Variants in RND1 observed in about 807,000 individuals in gnomAD.
RND1 encodes rho-related GTP-binding protein Rho6.
Under a neutral mutation model 27.1 loss-of-function variants are expected in RND1, and 9 were observed. The ratio of observed to expected loss-of-function variants is 0.33; its 90% confidence interval spans 0.20 to 0.58. The LOEUF is 0.58. Among genes scored for constraint, RND1 ranks in the 20% least tolerant of loss-of-function variants. The probability of loss-of-function intolerance (pLI) is 0.86; values close to 1 mark genes in which losing one functional copy is unlikely to be tolerated. For missense variants in RND1, 253 were observed against 292.2 expected (o/e 0.87, Z 0.98); for synonymous variants, 108 against 115.7 (o/e 0.93, Z 0.43).
chr12:48,863,440 G>A (rs913751917), intron 2 of RND1, among the ~76,000 whole-genome samples: 6 of 152,078 alleles, frequency 3.9e-5, no homozygotes, highest in Non-Finnish European at 7.4e-5. Context: ...GGGGGAGGGC[G>A]TTTGGGCGGT....
Position 48,861,051 on chromosome 12 carries a change from C to T in RND1, c.399G>A (p.Leu133=). 6.2e-7 allele frequency: 1 copy of T among 1,614,118 alleles called. No individual in the cohort carries two copies. Among genetic ancestry groups the T allele is most frequent in the Non-Finnish European group, 8.5e-7 (1 of 1,180,042 alleles). ...GGTGGGACAGCTCCATCAGAGTACTCAGGTCTGTTCGCAGGTCTGTCTTGC... is the reference window on the plus strand; with the variant it reads ...GGTGGGACAGCTCCATCAGAGTACTTAGGTCTGTTCGCAGGTCTGTCTTGC... ...IGCKTDLRTD[L]STLMELSHQK... Residue 133 remains leucine, a synonymous_variant, in exon 4 of 5, where the codon CTG becomes CTA. Transcript: ENST00000309739.
chr12:48,865,492 C>T, intron 1 of RND1, 156 bp downstream of exon 1: 1 of 854,216 alleles, frequency 1.2e-6, no homozygotes, highest in South Asian at 1.5e-5. Context: ...GCAGGGCAGT[C>T]CTCCAGCCAA....
chr12:48,864,416 T>TGTGTGTGTGTGTGTGCGC (rs141121524), intron 2 of RND1, among the ~76,000 whole-genome samples: 127 of 135,548 alleles, frequency 9.4e-4, no homozygotes, highest in African/African-American at 3.3e-3. Flanking sequence ...TGTGTGTGTG[T>TGTGTGTGTGTGTGTGCGC]GCGCGCGCGC....
intron 4 of RND1, 138 bp from the exon 5 acceptor site, chr12:48,858,379 ATTATC>A (rs1938871518): frequency 1.5e-6 from 1 of 666,110 alleles, no homozygotes; most frequent in South Asian, 2.8e-5. Flanking sequence ...AGATTATTCG[ATTATC>A]TTTTCTTTTT....
chr12:48,862,517 A>G (rs1232247302), intron 2 of RND1, among the ~76,000 whole-genome samples: 1 of 152,010 alleles, frequency 6.6e-6, no homozygotes, highest in African/African-American at 2.4e-5. Flanking sequence ...CTTCTGCTCC[A>G]GGGTCTCCCC....
At chr12:48,862,414 G>T (rs1286982423) in intron 2 of RND1, among the ~76,000 whole-genome samples, 1 of 152,162 alleles carries the variant, frequency 6.6e-6, no homozygotes, top group African/African-American at 2.4e-5. Flanking sequence ...CTAGTTTTCT[G>T]AGTCCCAGAA....
intron 2 of RND1, among the ~76,000 whole-genome samples, chr12:48,864,384 GGTGTGTGTGTGTGTGT>G (rs539837491): frequency 7.1e-6 from 1 of 141,688 alleles, no homozygotes; most frequent in Non-Finnish European, 1.5e-5. Flanking sequence ...GGAAGTAAAA[GGTGTGTGTGTGTGTGT>G]GTGTGTGTGT....
chr12:48,858,325 T>C, intron 4 of RND1, 84 bp from the exon 5 acceptor site: 1 of 1,470,492 alleles, frequency 6.8e-7, no homozygotes, highest in African/African-American at 1.4e-5. Flanking sequence ...CCAGGGCCAC[T>C]CCAGAGGGGA....
intron 4 of RND1, among the ~76,000 whole-genome samples, chr12:48,860,645 C>T (rs1391847166): frequency 2.0e-5 from 3 of 149,710 alleles, no homozygotes; most frequent in South Asian, 4.2e-4. Context: ...AAGCTATCCT[C>T]CTGCCTCAGC....
At chr12:48,864,420 C>CGT (rs1305798826) in intron 2 of RND1, among the ~76,000 whole-genome samples, 10 of 98,560 alleles carry the variant, frequency 1.0e-4, no homozygotes, top group African/African-American at 5.1e-4. Context: ...TGTGTGTGCG[C>CGT]GCGCGCGCGT....
At chr12:48,858,294 G>T in intron 4 of RND1, 53 bp from the exon 5 acceptor site, 2 of 1,582,530 alleles carry the variant, frequency 1.3e-6, no homozygotes, top group South Asian at 2.4e-5. Context: ...GCTCTGGGAC[G>T]CTGCCTCTGT....
At chr12:48,864,691 C>T in intron 2 of RND1, 92 bp downstream of exon 2, 1 of 974,640 alleles carries the variant, frequency 1.0e-6, no homozygotes, top group Non-Finnish European at 1.7e-6. Context: ...TTTCACTTCT[C>T]CCCACCAAAG....
In RND1 at chr12:48,865,783, G is replaced by C. The variant is rs749685597; in HGVS notation, c.-16C>G. 1 of 1,574,704 alleles carries C rather than the reference G, an allele frequency of 6.4e-7. No individual in the cohort carries two copies. Among genetic ancestry groups the C allele is most frequent in the South Asian group, 1.2e-5 (1 of 86,236 alleles). On this transcript the variant is annotated 5_prime_UTR_variant, in exon 1 of 5. Transcript: ENST00000309739. ...TCTCCTTCATGGTTGCAGTGTCCGC[G>C]GGACTTGAACTTCGATTCAGAAGGG...
At chr12:48,862,253 C>T (rs1446942188) in intron 2 of RND1, 135 bp from the exon 3 acceptor site, 3 of 592,380 alleles carry the variant, frequency 5.1e-6, no homozygotes, top group Non-Finnish European at 5.9e-6. Flanking sequence ...TGTACTGCGG[C>T]TGGAAGCTTG....
At chr12:48,862,738 C>T (rs1938932767) in intron 2 of RND1, among the ~76,000 whole-genome samples, 1 of 152,172 alleles carries the variant, frequency 6.6e-6, no homozygotes, top group Non-Finnish European at 1.5e-5. Context: ...AAGACAGCAG[C>T]ACCGATGGCT....
At chr12:48,858,374 A>G in intron 4 of RND1, 133 bp from the exon 5 acceptor site, 1 of 757,558 alleles carries the variant, frequency 1.3e-6, no homozygotes, top group Non-Finnish European at 2.0e-6. Context: ...TCTGCAGATT[A>G]TTCGATTATC....
At chr12:48,858,323 A>C in intron 4 of RND1, 82 bp from the exon 5 acceptor site, 4 of 1,463,480 alleles carry the variant, frequency 2.7e-6, no homozygotes, top group East Asian at 2.4e-5. Context: ...CCCCAGGGCC[A>C]CTCCAGAGGG....
At chr12:48,864,416 T>TGTGTGTGTGTGTGTGC (rs141121524) in intron 2 of RND1, among the ~76,000 whole-genome samples, 4 of 135,460 alleles carry the variant, frequency 3.0e-5, no homozygotes, top group African/African-American at 1.1e-4. Flanking sequence ...TGTGTGTGTG[T>TGTGTGTGTGTGTGTGC]GCGCGCGCGC....
chr12:48,864,981 G>T, intron 1 of RND1, 111 bp from the exon 2 acceptor site: 1 of 826,318 alleles, frequency 1.2e-6, no homozygotes, highest in Non-Finnish European at 2.1e-6. Flanking sequence ...CAGGAGACAA[G>T]AAACCAGAGG....
Sources: allele counts gnomAD v4.1 joint callset (sites outside exome capture counted in the v4.1 genomes callset), GRCh38; gene constraint gnomAD v4.1.1; transcripts MANE v1.5; gene names NCBI Gene and HGNC (gene_info 2026-07-23, HGNC 2026-07-21).